Variants in EZR observed in about 807,000 individuals in gnomAD.
EZR encodes cytovillin 2.
In EZR, 40 loss-of-function variants were observed where a neutral mutation model predicts 74.8. The observed-to-expected ratio is 0.53, with a 90% CI of 0.42 to 0.70. EZR has a LOEUF of 0.70. Among genes scored for constraint, EZR ranks in the 30% least tolerant of loss-of-function variants. EZR has a pLI of 0.00. For synonymous variants in EZR, 341 were observed against 283.3 expected (o/e 1.20, Z -2.05); for missense variants, 678 against 755.8 (o/e 0.90, Z 1.21).
chr6:158,790,969 G>A (rs1329644211), intron 2 of EZR, among the ~76,000 whole-genome samples: 1 of 152,146 alleles, frequency 6.6e-6, no homozygotes, highest in Non-Finnish European at 1.5e-5. Context: ...TAATAAGGAC[G>A]TATTACCTGT....
At chr6:158,770,684 AGTGGGTGG>A (rs1378036883) in intron 10 of EZR, 72 bp downstream of exon 10, 30 of 1,478,134 alleles carry the variant, frequency 2.0e-5, no homozygotes, top group Non-Finnish European at 2.6e-5. Flanking sequence ...CTTCCTGGTG[AGTGGGTGG>A]GTGGGTGTGG....
intron 2 of EZR, among the ~76,000 whole-genome samples, chr6:158,817,446 G>C (rs1289202085): frequency 2.0e-5 from 3 of 152,164 alleles, no homozygotes; most frequent in Admixed American, 6.5e-5. Context: ...CGGCCTGCCA[G>C]GAACCTCTTA....
At position 158,770,830 on chromosome 6, in the gene EZR, GCAT is replaced by G. The variant is rs768425876; in HGVS notation, c.1021_1023del (p.Met341del). On this transcript the variant is annotated inframe_deletion, in exon 10 of 14. Coordinates refer to ENST00000367075, the MANE Select transcript of EZR (RefSeq NM_001111077.2). ...CGCAGCATCAACTCCTCCTTCTCGC[GCAT>G]CATCTGCTCTTTCTCTCTCTCCACG... 2.5e-6 allele frequency: 4 copies of G among 1,614,116 alleles called. No individual in the cohort carries two copies. Among genetic ancestry groups the G allele is most frequent in the South Asian group, 1.1e-5 (1 of 91,086 alleles).
chr6:158,809,241 T>TAC (rs1331411643), intron 2 of EZR, among the ~76,000 whole-genome samples: 1 of 152,124 alleles, frequency 6.6e-6, no homozygotes, highest in East Asian at 1.9e-4. Flanking sequence ...GATGGAGCTG[T>TAC]ACTTTAGACA....
At chr6:158,784,787 G>A (rs1791526217) in intron 5 of EZR, 60 bp from the exon 6 acceptor site, 2 of 1,427,930 alleles carry the variant, frequency 1.4e-6, no homozygotes, top group African/African-American at 1.4e-5. Context: ...CAAGGAAGGA[G>A]GCCCACTTAC....
chr6:158,766,219 T>C lies in EZR; in HGVS notation c.*695A>G, dbSNP rs1284601444. Reference sequence around the variant, plus strand: ...TTTTAAAACTAATGTTACAAATCTGTATTATCACTTGTATATAAATAGTAT... The same window carrying C: ...TTTTAAAACTAATGTTACAAATCTGCATTATCACTTGTATATAAATAGTAT... On this transcript the variant is annotated 3_prime_UTR_variant, in exon 14 of 14. Transcript: ENST00000367075. The C allele has an allele frequency of 6.6e-6, 1 of 152,268 alleles. No individual in the cohort carries two copies. The highest frequency in any genetic ancestry group is 1.5e-5 in the Non-Finnish European group (1 of 68,014). 9.4% of individuals were successfully genotyped at this position (152,268 alleles called of 1,614,324 possible).
intron 4 of EZR, 87 bp from the exon 5 acceptor site, chr6:158,785,670 G>A: frequency 6.6e-7 from 1 of 1,511,104 alleles, no homozygotes; most frequent in East Asian, 2.3e-5. Context: ...AAGACTCAAT[G>A]GGGCCCTCAA....
intron 2 of EZR, among the ~76,000 whole-genome samples, chr6:158,791,726 T>TTTTTTTTTTA (rs1791754014): frequency 2.7e-5 from 4 of 147,114 alleles, no homozygotes; most frequent in Non-Finnish European, 3.0e-5. Context: ...TTTTTTTTTT[T>TTTTTTTTTTA]GAGACAGAGT....
At chr6:158,801,480 A>G (rs1777185172) in intron 2 of EZR, among the ~76,000 whole-genome samples, 3 of 152,252 alleles carry the variant, frequency 2.0e-5, no homozygotes, top group Admixed American at 1.3e-4. Flanking sequence ...AATCTTGTAA[A>G]AAGTGCACAG....
At chr6:158,802,747 G>A (rs2128574352) in intron 2 of EZR, among the ~76,000 whole-genome samples, 1 of 152,244 alleles carries the variant, frequency 6.6e-6, no homozygotes, top group African/African-American at 2.4e-5. Flanking sequence ...AAGTTAGATG[G>A]TCTCGATCTC....
chr6:158,789,691 C>T (rs1791681770), intron 2 of EZR: 1 of 478,900 alleles, frequency 2.1e-6, no homozygotes, highest in Non-Finnish European at 4.1e-6. Flanking sequence ...ACGATCACAG[C>T]TCACTAGTCA....
chr6:158,768,665 C>G (rs1036075271), intron 12 of EZR, among the ~76,000 whole-genome samples: 3 of 152,166 alleles, frequency 2.0e-5, no homozygotes, highest in Non-Finnish European at 4.4e-5. Context: ...CCAGACGGAG[C>G]GACAAGCTCT....
intron 6 of EZR, among the ~76,000 whole-genome samples, chr6:158,784,211 C>G (rs925536489): frequency 3.9e-5 from 6 of 152,224 alleles, no homozygotes; most frequent in African/African-American, 1.4e-4. Context: ...CTTACATTAA[C>G]AGCCCCACGT....
chr6:158,805,339 A>G (rs1437007427), intron 2 of EZR, among the ~76,000 whole-genome samples: 574 of 14,160 alleles, frequency 0.041, 1 homozygote, highest in African/African-American at 0.22. Flanking sequence ...CATCTCAGGA[A>G]AAAAAAAAAA....
At chr6:158,813,607 G>C (rs772559980) in intron 2 of EZR, among the ~76,000 whole-genome samples, 1 of 152,190 alleles carries the variant, frequency 6.6e-6, no homozygotes, top group Non-Finnish European at 1.5e-5. Flanking sequence ...GGATTGTGAG[G>C]GGGGAGTACA....
rs529787485 is a variant in EZR, at chr6:158,818,259, T to G, written c.-73-93A>C. On this transcript the variant is annotated intron_variant, in intron 1 of 13. Transcript: ENST00000367075. ...TCGGCGCCCGCAGCGCGCTGCCGCT[T>G]AAGAACCGGCCAGCCCGGGCCCGGG... 1.6e-5 allele frequency: 10 copies of G among 619,714 alleles called. No individual in the cohort carries two copies. The East Asian group carries it at 2.5e-4, about 16-fold the overall frequency. The allele number at this position is 619,714 out of a possible 1,614,324, so 38.4% of individuals were successfully genotyped here. A position where few individuals can be genotyped will look rare whatever the true frequency, so the allele number is the denominator to read the frequency against.
At chr6:158,791,335 C>T (rs1371313558) in intron 2 of EZR, among the ~76,000 whole-genome samples, 2 of 152,170 alleles carry the variant, frequency 1.3e-5, no homozygotes, top group African/African-American at 4.8e-5. Context: ...ACTTTTCTTT[C>T]ATTTCCTGCT....
chr6:158,807,948 T>A (rs1039176686), intron 2 of EZR, among the ~76,000 whole-genome samples: 2 of 152,166 alleles, frequency 1.3e-5, no homozygotes, highest in African/African-American at 4.8e-5. Flanking sequence ...AGGAAATGGG[T>A]TCCACCATTC....
chr6:158,798,121 G>A (rs987006), intron 2 of EZR, among the ~76,000 whole-genome samples: 17,112 of 152,162 alleles, frequency 0.11, 992 homozygotes, highest in Middle Eastern at 0.15. Flanking sequence ...TTAGCATAAT[G>A]TTTAAAAGGG....
Sources: gnomAD v4.1 joint callset for allele counts (sites outside exome capture counted in the v4.1 genomes callset) on GRCh38, gnomAD v4.1.1 for gene constraint, MANE v1.5 for transcripts, NCBI Gene and HGNC (gene_info 2026-07-23, HGNC 2026-07-21) for gene names.